Variants in MASP1 observed in about 807,000 individuals in gnomAD.
MASP1 encodes mannan-binding lectin serine protease 1.
In MASP1, 59 loss-of-function variants were observed where a neutral mutation model predicts 77.1. The ratio of observed to expected loss-of-function variants is 0.77; its 90% CI spans 0.62 to 0.95. MASP1 has a LOEUF of 0.95. Among genes scored for constraint, MASP1 ranks in the 40% least tolerant of loss-of-function variants. The probability of loss-of-function intolerance (pLI) is 0.00; values close to 1 mark genes in which losing one functional copy is unlikely to be tolerated. For synonymous variants in MASP1, 362 were observed against 354.5 expected, an observed-to-expected ratio of 1.02 and a Z score of -0.24; for missense variants, 885 against 912.9, an observed-to-expected ratio of 0.97 and a Z score of 0.39.
chr3:187,270,300 C>A (rs557541259), intron 2 of MASP1, among the ~76,000 whole-genome samples: 1 of 152,306 alleles, frequency 6.6e-6, no homozygotes, highest in African/African-American at 2.4e-5. Flanking sequence ...TCAGTTTTAG[C>A]AAAATCTTTG....
rs974128835 is a variant in MASP1 at position 187,234,919 on chromosome 3, T to A, written c.*765A>T. The A allele has an allele frequency of 7.8e-7, 1 of 1,287,134 alleles. No individual in the cohort carries two copies. The highest frequency in any genetic ancestry group is 1.2e-5 in the South Asian group (1 of 80,930). The allele number at this position is 1,287,134 out of a possible 1,614,324, so 79.7% of individuals were successfully genotyped here. ...TGTCAGCTGGTGTTCCAGGGTGGCA[T>A]ATGGGCCCAAATGTGTTCTGAGTTG... On this transcript the variant is annotated 3_prime_UTR_variant, in exon 11 of 11. Coordinates refer to ENST00000296280, the MANE Select transcript of MASP1 (RefSeq NM_139125.4).
Position 187,260,801 on chromosome 3 carries a change from C to T in MASP1, c.487G>A (p.Gly163Ser), listed in dbSNP as rs115241263. ...CCGAAGCGGCAGGAGCAGTAGTAGCCGCCAATGTAGTTGTGGCAGTAGTGG... is the reference window on the plus strand; with the variant it reads ...CCGAAGCGGCAGGAGCAGTAGTAGCTGCCAATGTAGTTGTGGCAGTAGTGG... ...CDHYCHNYIG[G>S]YYCSCRFGYI... Residue 163 changes from glycine to serine, a missense_variant, in exon 4 of 11, where the codon GGC becomes AGC. Coordinates refer to ENST00000296280, the MANE Select transcript of MASP1 (RefSeq NM_139125.4). 26 of 1,614,120 alleles carry T rather than the reference C, an allele frequency of 1.6e-5. No individual in the cohort carries two copies. The highest frequency in any genetic ancestry group is 4.0e-5 in the African/African-American group (3 of 75,030).
At chr3:187,260,330 T>C (rs1715454172) in intron 4 of MASP1, among the ~76,000 whole-genome samples, 1 of 152,192 alleles carries the variant, frequency 6.6e-6, no homozygotes, top group Non-Finnish European at 1.5e-5. Flanking sequence ...GACTGAGGTC[T>C]CTCTATTGTA....
chr3:187,230,039 A>C (rs1712675871), downstream of MASP1: 2 of 904,548 alleles, frequency 2.2e-6, no homozygotes, highest in Non-Finnish European at 3.3e-6. Context: ...TGATAATAGC[A>C]TCCCAGTCTT....
intron 2 of MASP1, among the ~76,000 whole-genome samples, chr3:187,280,895 T>A (rs377180903): frequency 6.6e-6 from 1 of 152,226 alleles, no homozygotes; most frequent in African/African-American, 2.4e-5. Flanking sequence ...TCTAAGGTCT[T>A]AGATGCACAG....
In MASP1 at chr3:187,251,653, G is replaced by A; in HGVS notation, c.992C>T (p.Thr331Ile). 6.2e-7 allele frequency: 1 copy of A among 1,614,126 alleles called. No homozygotes were observed. The highest frequency in any genetic ancestry group is 8.5e-7 in the Non-Finnish European group (1 of 1,179,976). The change falls in exon 7 of 11, where the codon ACA becomes ATA. Residue 331 changes from threonine (T) to isoleucine (I), a missense_variant. By Grantham distance (89) the Thr-to-Ile change is moderately conservative. Coordinates refer to ENST00000296280, the MANE Select transcript of MASP1 (RefSeq NM_139125.4). ...FKDQVLVSCD[T>I]GYKVLKDNVE... The stretch of plus-strand genomic sequence containing the variant: ...CTGCACCTTCAGCACTTTGTAGCCT[G>A]TGTCACAGCTGACGAGCACTTGGTC...
Position 187,235,219 on chromosome 3 carries a change from A to G in MASP1, c.*465T>C. ...GAAGGATTAGGCCAAGGCTAGTCCCAGAAGGCAGAGCAGGAAAATATACAG... is the reference window on the plus strand; with the variant it reads ...GAAGGATTAGGCCAAGGCTAGTCCCGGAAGGCAGAGCAGGAAAATATACAG... On this transcript the variant is annotated 3_prime_UTR_variant, in exon 11 of 11. Coordinates refer to ENST00000296280, the MANE Select transcript of MASP1 (RefSeq NM_139125.4). 2 of 1,289,000 alleles carry G rather than the reference A, an allele frequency of 1.6e-6. No homozygotes were observed. The highest frequency in any genetic ancestry group is 2.0e-6 in the Non-Finnish European group (2 of 989,946). 79.8% of individuals were successfully genotyped at this position (1,289,000 alleles called of 1,614,324 possible).
chr3:187,231,271 T>C (rs1712748126), downstream of MASP1, among the ~76,000 whole-genome samples: 1 of 152,260 alleles, frequency 6.6e-6, no homozygotes, highest in African/African-American at 2.4e-5. Context: ...ACCCCTCTCT[T>C]GTATTTTTCA....
chr3:187,291,137 T>A (rs1283261913), intron 1 of MASP1: 1 of 182,446 alleles, frequency 5.5e-6, no homozygotes, highest in Non-Finnish European at 1.2e-5. Flanking sequence ...AAATTGAGGT[T>A]TAACTGGCAA....
Position 187,253,243 on chromosome 3 carries a change from G to A in MASP1, c.817C>T (p.His273Tyr). ...KAPEPISTQSHSVLILFHSDN... is the reference protein window; with the variant it reads ...KAPEPISTQSYSVLILFHSDN... ...CTATGGAACAGGATCAGGACACTGT[G>A]GCTCTGGGTGCTGATGGGTTCTGGG... Residue 273 changes from histidine (H) to tyrosine (Y), a missense_variant, in exon 6 of 11, where the codon CAC (histidine) becomes TAC (tyrosine). By Grantham distance (83) the His-to-Tyr change is moderately conservative (BLOSUM62 2). Coordinates refer to ENST00000296280, the MANE Select transcript of MASP1 (RefSeq NM_139125.4). The A allele has an allele frequency of 1.2e-6, 2 of 1,614,166 alleles. No homozygotes were observed. The highest frequency in any genetic ancestry group is 2.2e-5 in the South Asian group (2 of 91,078).
At chr3:187,279,336 G>T (rs1406286526) in intron 2 of MASP1, among the ~76,000 whole-genome samples, 1 of 152,192 alleles carries the variant, frequency 6.6e-6, no homozygotes, top group Non-Finnish European at 1.5e-5. Context: ...ACCTCTTCCT[G>T]GTGTTGGCTG....
At chr3:187,256,620 A>C in intron 5 of MASP1, 44 bp downstream of exon 5, 1 of 1,603,682 alleles carries the variant, frequency 6.2e-7, no homozygotes, top group Non-Finnish European at 8.5e-7. Context: ...AACTCAGCCA[A>C]GATTTTCCAG....
exon 16 of MASP1, chr3:187,220,076 T>C (rs1488291530): frequency 6.2e-7 from 1 of 1,613,470 alleles, no homozygotes; most frequent in South Asian, 1.1e-5. Flanking sequence ...CAAATTCAGT[T>C]CCTCACTCCG....
intron 13 of MASP1, among the ~76,000 whole-genome samples, chr3:187,224,449 C>T (rs1712271232): frequency 6.6e-6 from 1 of 150,510 alleles, no homozygotes; most frequent in Non-Finnish European, 1.5e-5. Context: ...CGGGTTCACG[C>T]CATTCTCCTG....
At chr3:187,279,082 T>C (rs1717199393) in intron 2 of MASP1, among the ~76,000 whole-genome samples, 1 of 152,232 alleles carries the variant, frequency 6.6e-6, no homozygotes, top group Non-Finnish European at 1.5e-5. Flanking sequence ...TGCTATGAAT[T>C]CTTTAGACAG....
chr3:187,261,056 C>T (rs1197278395), intron 3 of MASP1, among the ~76,000 whole-genome samples, 184 bp from the exon 4 acceptor site: 1 of 152,182 alleles, frequency 6.6e-6, no homozygotes, highest in Non-Finnish European at 1.5e-5. Flanking sequence ...GAAACTGGAA[C>T]TCAGAGAGGT....
chr3:187,270,015 C>T (rs928749629), intron 2 of MASP1, among the ~76,000 whole-genome samples: 2 of 152,160 alleles, frequency 1.3e-5, no homozygotes, highest in Non-Finnish European at 1.5e-5. Flanking sequence ...TTATTTTGTC[C>T]CTAAGATAGA....
chr3:187,239,719 T>C (rs1456883581), intron 10 of MASP1, among the ~76,000 whole-genome samples: 1 of 152,330 alleles, frequency 6.6e-6, no homozygotes, highest in South Asian at 2.1e-4. Flanking sequence ...CAAGCCTAAT[T>C]GAGGTAAATG....
intron 4 of MASP1, among the ~76,000 whole-genome samples, chr3:187,257,714 G>T (rs1002594750): frequency 2.0e-5 from 3 of 152,124 alleles, no homozygotes; most frequent in South Asian, 4.2e-4. Flanking sequence ...CAGCCTGAAG[G>T]GTTCTGCGTA....
Sources: gnomAD v4.1 joint callset for allele counts (sites outside exome capture counted in the v4.1 genomes callset) on GRCh38, gnomAD v4.1.1 for gene constraint, MANE v1.5 for transcripts, NCBI Gene and HGNC (gene_info 2026-07-23, HGNC 2026-07-21) for gene names.